Variants in RAD51D observed in about 807,000 individuals in gnomAD.
The protein encoded by RAD51D is DNA repair protein RAD51 homolog 4.
In RAD51D, 38 loss-of-function variants were observed where a neutral mutation model predicts 44.1. The observed-to-expected ratio is 0.86, with a 90% confidence interval of 0.67 to 1.13. The LOEUF (loss-of-function observed/expected upper bound fraction) is 1.13. RAD51D is among the 50% of genes most tolerant of loss of function. RAD51D has a pLI of 0.00. For missense variants in RAD51D, 390 were observed against 414.0 expected (o/e 0.94, Z 0.50); for synonymous variants, 141 against 166.6 (o/e 0.85, Z 1.18).
intron 3 of RAD51D, chr17:35,116,847 G>A: frequency 6.6e-7 from 1 of 1,510,120 alleles, no homozygotes; most frequent in Non-Finnish European, 9.0e-7. Flanking sequence ...ACGAATAAAT[G>A]AAATAATGTA....
Position 35,100,314 on chromosome 17 carries a change from G to A in RAD51D, c.*639C>T, listed in dbSNP as rs1384702727. 1.9e-6 allele frequency: 1 copy of A among 534,174 alleles called. No homozygotes were observed. Among genetic ancestry groups the A allele is most frequent in the African/African-American group, 1.9e-5 (1 of 53,872 alleles). 33.1% of individuals were successfully genotyped at this position (534,174 alleles called of 1,614,324 possible). A position where few individuals can be genotyped will look rare whatever the true frequency, so the allele number is the denominator to read the frequency against. ...AGCAAGAGGAAAGGAGGAATAAACT[G>A]TTCTTTGGGCCTCACTGGGGGAAAC... On this transcript the variant is annotated 3_prime_UTR_variant, in exon 10 of 10. Transcript: ENST00000345365.
intron 3 of RAD51D, among the ~76,000 whole-genome samples, chr17:35,112,849 G>C (rs915071005): frequency 2.0e-5 from 3 of 152,058 alleles, no homozygotes; most frequent in Non-Finnish European, 2.9e-5. Context: ...AGCACCATGG[G>C]GCAAGGACTG....
chr17:35,111,587 G>A (rs1597867988), intron 3 of RAD51D, among the ~76,000 whole-genome samples: 1 of 151,880 alleles, frequency 6.6e-6, no homozygotes, highest in East Asian at 1.9e-4. Flanking sequence ...AATTAGTTGT[G>A]TATACTTGTG....
At chr17:35,106,506 A>C in intron 5 of RAD51D, 25 bp from the exon 6 acceptor site, 1 of 1,578,290 alleles carries the variant, frequency 6.3e-7, no homozygotes, top group Non-Finnish European at 8.7e-7. Flanking sequence ...AAGAAAAGCA[A>C]GGACTTTGGA....
rs1164862451 is a variant in RAD51D, at chr17:35,103,366, C to A, written c.668-42G>T. On this transcript the variant is annotated intron_variant, in intron 7 of 9. Coordinates refer to ENST00000345365, the MANE Select transcript of RAD51D (RefSeq NM_002878.4). This position sits in a 1 kb window ranked among gnomAD's most constrained non-coding sequence, Gnocchi z 4.1. ...AGCAGAGAGGGAGGGCAGTGGGGAA[C>A]CAGGGATGGGGCTGGCCAGAGACCA... is the stretch of plus-strand genomic sequence containing the variant. The A allele has an allele frequency of 6.2e-7, 1 of 1,611,302 alleles. No individual in the cohort carries two copies. Among genetic ancestry groups the A allele is most frequent in the Non-Finnish European group, 8.5e-7 (1 of 1,177,686 alleles).
chr17:35,109,663 G>A (rs2091651599), intron 3 of RAD51D, among the ~76,000 whole-genome samples: 1 of 151,644 alleles, frequency 6.6e-6, no homozygotes, highest in African/African-American at 2.4e-5. Context: ...ATAGTTAATA[G>A]TGTTGAACTT....
chr17:35,115,658 A>G (rs1417427018), intron 3 of RAD51D, among the ~76,000 whole-genome samples: 1 of 152,086 alleles, frequency 6.6e-6, no homozygotes, highest in African/African-American at 2.4e-5. Flanking sequence ...TCACGAGGTC[A>G]GAAGATCGAG....
intron 3 of RAD51D, among the ~76,000 whole-genome samples, chr17:35,118,044 A>G (rs2091770154): frequency 6.6e-6 from 1 of 152,232 alleles, no homozygotes; most frequent in Admixed American, 6.5e-5. Context: ...ATCCTTAAGT[A>G]AAATAAGAAG....
chr17:35,119,471 C>CG (rs2091795678), intron 1 of RAD51D, 61 bp downstream of exon 1: 1 of 1,573,280 alleles, frequency 6.4e-7, no homozygotes, highest in African/African-American at 1.3e-5. Flanking sequence ...CGCCAGCCCT[C>CG]GGGGCCTGCC....
rs1244256241 is a variant in RAD51D at position 35,100,135 on chromosome 17, G to A, written c.*818C>T. ...CTCTGGTTATGCTGTACTGTGGAGG[G>A]GCCCCACAGGGCACCATGCATATTA... is the stretch of plus-strand genomic sequence containing the variant. On this transcript the variant is annotated 3_prime_UTR_variant, in exon 10 of 10. Transcript: ENST00000345365. 2 of 532,874 alleles carry A rather than the reference G, an allele frequency of 3.8e-6. No individual in the cohort carries two copies. Among genetic ancestry groups the A allele is most frequent in the Admixed American group, 2.2e-5 (1 of 45,000 alleles). 33.0% of individuals were successfully genotyped at this position (532,874 alleles called of 1,614,324 possible). A position where few individuals can be genotyped will look rare whatever the true frequency, so the allele number is the denominator to read the frequency against.
chr17:35,106,859 G>A (rs1487950070), intron 5 of RAD51D, 129 bp downstream of exon 5: 11 of 1,368,896 alleles, frequency 8.0e-6, no homozygotes, highest in Middle Eastern at 1.8e-4. Context: ...TAAGGAATAC[G>A]AGATGTATTA....
At position 35,119,847 on chromosome 17, in the gene RAD51D, G is replaced by C. The variant is rs1321050768; in HGVS notation, c.-234C>G. The C allele has an allele frequency of 3.0e-6, 2 of 663,842 alleles. No individual in the cohort carries two copies. Among genetic ancestry groups the C allele is most frequent in the South Asian group, 3.1e-5 (2 of 65,404 alleles). The allele number at this position is 663,842 out of a possible 1,614,324, so 41.1% of individuals were successfully genotyped here. ...CAGAGCCCGCCCGCCGGGTCGCGCC[G>C]CGCTGCCGCTTCCGGGTTCCAGGCT... On this transcript the variant is annotated 5_prime_UTR_variant, in exon 1 of 10. Transcript: ENST00000345365.
Position 35,103,278 on chromosome 17 carries a change from G to C in RAD51D, c.714C>G (p.Ala238=), listed in dbSNP as rs780258990. 1 of 1,611,350 alleles carries C rather than the reference G, an allele frequency of 6.2e-7. No homozygotes were observed. Among genetic ancestry groups the C allele is most frequent in the East Asian group, 2.2e-5 (1 of 44,826 alleles). Residue 238 remains alanine (A), a synonymous_variant, in exon 8 of 10, where the codon GCC becomes GCG. Transcript: ENST00000345365. The surrounding 1 kb of genome is among the most constrained non-coding windows in gnomAD (Gnocchi z 4.1). ...CCACCACTGCCATGCCAAGGTCCCG[G>C]GCCAGGGTCTTCAGCTCTCGGGCCA... The part of the protein sequence containing the change: ...MQLARELKTL[A]RDLGMAVVVT...
chr17:35,119,305 C>T (rs2091792563), intron 1 of RAD51D, 133 bp from the exon 2 acceptor site: 1 of 978,600 alleles, frequency 1.0e-6, no homozygotes, highest in African/African-American at 1.6e-5. Flanking sequence ...TGTGAAATAA[C>T]AAAGCTGCAG....
chr17:35,117,698 C>T (rs12600743), intron 3 of RAD51D, among the ~76,000 whole-genome samples: 12,967 of 152,090 alleles, frequency 0.085, 712 homozygotes, highest in East Asian at 0.27. Context: ...TCATTTTGGG[C>T]GGGCAAGCAG....
At chr17:35,104,669 C>A (rs918344635) in intron 6 of RAD51D, among the ~76,000 whole-genome samples, 4 of 152,192 alleles carry the variant, frequency 2.6e-5, no homozygotes, top group African/African-American at 9.7e-5. Context: ...CAGGCATGAG[C>A]CACCAAGCCT....
chr17:35,118,387 CATT>C, intron 3 of RAD51D, 111 bp downstream of exon 3: 1 of 849,204 alleles, frequency 1.2e-6, no homozygotes, highest in Non-Finnish European at 2.0e-6. Context: ...CCTTCCCATC[CATT>C]ATTGGTTAAA....
intron 3 of RAD51D, among the ~76,000 whole-genome samples, chr17:35,109,457 T>C (rs2091649575): frequency 6.6e-6 from 1 of 152,230 alleles, no homozygotes; most frequent in Non-Finnish European, 1.5e-5. Context: ...AAATGCATTA[T>C]TAATTTTATA....
intron 5 of RAD51D, among the ~76,000 whole-genome samples, chr17:35,106,725 T>A (rs1337540326): frequency 6.6e-6 from 1 of 152,174 alleles, no homozygotes; most frequent in African/African-American, 2.4e-5. Context: ...AGAAATGGAC[T>A]GGAAACACAA....
Sources: gnomAD v4.1 joint callset for allele counts (sites outside exome capture counted in the v4.1 genomes callset) on GRCh38, gnomAD v4.1.1 for gene constraint, Gnocchi (gnomAD v3.1) non-coding constraint, MANE v1.5 for transcripts, NCBI Gene and HGNC (gene_info 2026-07-23, HGNC 2026-07-21) for gene names.